Variants in GRID2 observed in about 807,000 individuals in gnomAD.
The protein encoded by GRID2 is glutamate ionotropic receptor delta type subunit 2.
In GRID2, 33 loss-of-function variants were observed where a neutral mutation model predicts 114.8. That is an observed-to-expected ratio of 0.29 (90% CI 0.22 to 0.38). The LOEUF is 0.38. GRID2 is among the 10% of genes least tolerant of loss of function. GRID2 has a pLI of 1.00. For missense variants in GRID2, 1,184 were observed against 1,257.7 expected (o/e 0.94, Z 0.89); for synonymous variants, 505 against 449.9 (o/e 1.12, Z -1.55).
chr4:92,599,446 T>A (rs1399050597), intron 2 of GRID2, among the ~76,000 whole-genome samples: 1 of 152,220 alleles, frequency 6.6e-6, no homozygotes, highest in Non-Finnish European at 1.5e-5. Flanking sequence ...CTGACATGAT[T>A]GTTTAAAAGG....
chr4:92,673,306 A>G (rs1316439663), intron 2 of GRID2, among the ~76,000 whole-genome samples: 1 of 152,166 alleles, frequency 6.6e-6, no homozygotes, highest in Admixed American at 6.5e-5. Context: ...GTGTATTCCC[A>G]TTTATGTCTG....
chr4:92,531,469 A>C (rs1725352110), intron 1 of GRID2, among the ~76,000 whole-genome samples: 1 of 152,140 alleles, frequency 6.6e-6, no homozygotes, highest in Non-Finnish European at 1.5e-5. Flanking sequence ...AGAGGAAATA[A>C]AGTTATTGGA....
At chr4:92,634,020 G>A (rs146878135) in intron 2 of GRID2, among the ~76,000 whole-genome samples, 3 of 151,634 alleles carry the variant, frequency 2.0e-5, no homozygotes, top group Non-Finnish European at 2.9e-5. Context: ...TATAGCAGGG[G>A]TGTCCAATCT....
chr4:92,887,509 C>T (rs139085991), intron 2 of GRID2, among the ~76,000 whole-genome samples: 1 of 149,638 alleles, frequency 6.7e-6, no homozygotes, highest in African/African-American at 2.5e-5. Flanking sequence ...CATTGTGCAC[C>T]CCTCTCAAGT....
rs772563055 is a variant in GRID2 at position 93,216,793 on chromosome 4, C to T, written c.845C>T (p.Thr282Met). 1.7e-5 allele frequency: 28 copies of T among 1,612,134 alleles called. No individual in the cohort carries two copies. Among genetic ancestry groups the T allele is most frequent in the Non-Finnish European group, 2.4e-5 (28 of 1,178,452 alleles). Residue 282 changes from threonine (T) to methionine (M), a missense_variant, in exon 6 of 16, where the codon ACG (threonine) becomes ATG (methionine). Coordinates refer to ENST00000282020, the MANE Select transcript of GRID2 (RefSeq NM_001510.4). ...GTAAGAAGGTCAATTGGAAGGTTAA[C>T]GATTATTCGGCAGACATTTCCAGTT... ...ELVRRSIGRL[T>M]IIRQTFPVPQ...
At chr4:93,591,649 A>G (rs2149614511) in intron 13 of GRID2, among the ~76,000 whole-genome samples, 1 of 151,810 alleles carries the variant, frequency 6.6e-6, no homozygotes, top group East Asian at 1.9e-4. Flanking sequence ...TCCTCCTTGT[A>G]CCTCTGGTAG....
chr4:92,838,580 A>G (rs1342436155), intron 2 of GRID2, among the ~76,000 whole-genome samples: 1 of 152,152 alleles, frequency 6.6e-6, no homozygotes, highest in Non-Finnish European at 1.5e-5. Flanking sequence ...TGTCTGCTAT[A>G]ATTTGAAACC....
chr4:92,470,568 T>G (rs895094754), intron 1 of GRID2, among the ~76,000 whole-genome samples: 1 of 152,030 alleles, frequency 6.6e-6, no homozygotes, highest in African/African-American at 2.4e-5. Context: ...AAAATTTTTG[T>G]AAGCATAAAA....
chr4:92,623,124 C>T (rs1389455187), intron 2 of GRID2, among the ~76,000 whole-genome samples: 1 of 151,490 alleles, frequency 6.6e-6, no homozygotes, highest in Non-Finnish European at 1.5e-5. Context: ...GGCTGATTAT[C>T]TTTCATTATA....
chr4:93,132,272 G>A (rs917474318), intron 4 of GRID2, among the ~76,000 whole-genome samples: 6 of 152,124 alleles, frequency 3.9e-5, no homozygotes, highest in Admixed American at 1.3e-4. Context: ...ATACCTACTT[G>A]TTTGTTTCAC....
At chr4:93,475,188 T>C (rs1364942031) in intron 11 of GRID2, among the ~76,000 whole-genome samples, 1 of 152,128 alleles carries the variant, frequency 6.6e-6, no homozygotes, top group African/African-American at 2.4e-5. Flanking sequence ...AAGAACTTCC[T>C]GGAAAAATTA....
At chr4:92,715,169 C>A (rs934597122) in intron 2 of GRID2, among the ~76,000 whole-genome samples, 1 of 152,130 alleles carries the variant, frequency 6.6e-6, no homozygotes, top group Non-Finnish European at 1.5e-5. Context: ...AAGTTCCACA[C>A]ATTTCTAGGA....
At chr4:93,221,345 A>G (rs1245449563) in intron 6 of GRID2, among the ~76,000 whole-genome samples, 3 of 152,190 alleles carry the variant, frequency 2.0e-5, no homozygotes, top group African/African-American at 7.2e-5. Context: ...AAAGCAAGCC[A>G]CAGATGGTGT....
intron 2 of GRID2, among the ~76,000 whole-genome samples, chr4:93,038,586 C>G (rs562455320): frequency 6.6e-6 from 1 of 151,964 alleles, no homozygotes; most frequent in African/African-American, 2.4e-5. Flanking sequence ...GTCAGGAGAT[C>G]GAGACCATCC....
rs1191651428 is a variant in GRID2, at chr4:93,773,330, A to G, written c.*832A>G. The G allele has an allele frequency of 6.6e-6, 1 of 152,182 alleles. No individual in the cohort carries two copies. Among genetic ancestry groups the G allele is most frequent in the Non-Finnish European group, 1.5e-5 (1 of 68,018 alleles). The allele number at this position is 152,182 out of a possible 1,614,324, so 9.4% of individuals were successfully genotyped here. On this transcript the variant is annotated 3_prime_UTR_variant, in exon 16 of 16. Coordinates refer to ENST00000282020, the MANE Select transcript of GRID2 (RefSeq NM_001510.4). ...TTTAGTTTAAACAAAAGTATTGTAT[A>G]CAGGAACTATGTATAGTGCAGGGGT...
intron 4 of GRID2, among the ~76,000 whole-genome samples, chr4:93,117,497 A>G (rs1460569279): frequency 6.6e-6 from 1 of 152,178 alleles, no homozygotes; most frequent in Non-Finnish European, 1.5e-5. Flanking sequence ...TCCAAAATCA[A>G]TACTCAGTGC....
chr4:92,941,819 T>G (rs1012676773), intron 2 of GRID2, among the ~76,000 whole-genome samples: 11 of 152,152 alleles, frequency 7.2e-5, no homozygotes, highest in East Asian at 3.9e-4. Flanking sequence ...CGTTCATTTT[T>G]TTGTGTACCC....
At chr4:93,047,904 G>GA in intron 2 of GRID2, among the ~76,000 whole-genome samples, 1 of 151,756 alleles carries the variant, frequency 6.6e-6, no homozygotes, top group Non-Finnish European at 1.5e-5. Context: ...CTCATCTAAG[G>GA]AAAAAAATAA....
In GRID2 at chr4:92,648,495, G is replaced by A. The variant is rs545773578; in HGVS notation, c.244+58209G>A. 2.0e-5 allele frequency among the ~76,000 whole-genome samples: 3 copies of A among 149,720 alleles called. No homozygotes were observed. The South Asian group carries it at 6.3e-4, about 31-fold the overall frequency. On this transcript the variant is annotated intron_variant, in intron 2 of 15. Coordinates refer to ENST00000282020, the MANE Select transcript of GRID2 (RefSeq NM_001510.4). Reference sequence around the variant, plus strand: ...ACAACATACATTTATCAAGCACTTAGCATGTATCGAGCATGGCTGTTAATG... The same window carrying A: ...ACAACATACATTTATCAAGCACTTAACATGTATCGAGCATGGCTGTTAATG...
Sources: allele counts gnomAD v4.1 joint callset (sites outside exome capture counted in the v4.1 genomes callset), GRCh38; gene constraint gnomAD v4.1.1; transcripts MANE v1.5; gene names NCBI Gene and HGNC (gene_info 2026-07-23, HGNC 2026-07-21).